The following FIP1L1 variants were observed in gnomAD, a reference collection of about 807,000 sequenced individuals.
FIP1L1 encodes the protein factor interacting with PAPOLA and CPSF1, also known as pre-mRNA 3'-end-processing factor FIP1.
Under a neutral mutation model 84.6 loss-of-function variants are expected in FIP1L1, and 21 were observed. The observed-to-expected ratio is 0.25, with a 90% CI of 0.18 to 0.36. The LOEUF (loss-of-function observed/expected upper bound fraction) is 0.36, where lower values mean the gene tolerates loss of function less well. Ranked by LOEUF, FIP1L1 falls within the 10% of genes least tolerant of loss-of-function variation. The pLI, the probability that FIP1L1 is intolerant of heterozygous loss-of-function variation, is 1.00. For synonymous variants in FIP1L1, 263 were observed against 242.3 expected, an observed-to-expected ratio of 1.09 and a Z score of -0.80; for missense variants, 526 against 751.1, an observed-to-expected ratio of 0.70 and a Z score of 3.50.
intron 11 of FIP1L1, among the ~76,000 whole-genome samples, chr4:53,422,185 G>A (rs1474262850): frequency 6.6e-6 from 1 of 152,092 alleles, no homozygotes; most frequent in Admixed American, 6.5e-5. Flanking sequence ...CAATTTGGTG[G>A]TCCCAACCAG....
rs750432865 is a variant in FIP1L1, at chr4:53,390,522, G to A, written c.399G>A (p.Gly133=). The A allele has an allele frequency of 3.7e-6, 6 of 1,601,724 alleles. No homozygotes were observed. In the South Asian group the frequency reaches 6.7e-5, roughly 18 times the overall value. The change falls in exon 7 of 18, where the codon GGG becomes GGA. Residue 133 remains glycine, a splice_region_variant and synonymous_variant. Transcript: ENST00000337488. ...TCATTTTGTAATTTTATAAAACAGG[G>A]ACAAAAGTCAAAGGAGTAGACCTTG... ...KTGGRVYGTT[G]TKVKGVDLDA...
At chr4:53,395,516 A>G (rs1746743401) in intron 9 of FIP1L1, among the ~76,000 whole-genome samples, 2 of 152,194 alleles carry the variant, frequency 1.3e-5, no homozygotes, top group South Asian at 4.1e-4. Context: ...CATGGAGCCT[A>G]TAGTCTAGGC....
intron 10 of FIP1L1, among the ~76,000 whole-genome samples, chr4:53,411,026 A>G (rs1756976126): frequency 6.6e-6 from 1 of 152,164 alleles, no homozygotes; most frequent in South Asian, 2.1e-4. Flanking sequence ...CCATGGGTTT[A>G]AAGTGTGACA....
At chr4:53,415,024 G>A (rs992423182) in intron 11 of FIP1L1, among the ~76,000 whole-genome samples, 9 of 150,132 alleles carry the variant, frequency 6.0e-5, no homozygotes, top group South Asian at 2.1e-4. Flanking sequence ...ATACCACATC[G>A]CATTTAAAAA....
chr4:53,411,152 G>A (rs10012328), intron 10 of FIP1L1, among the ~76,000 whole-genome samples: 18,635 of 152,130 alleles, frequency 0.12, 1,203 homozygotes, highest in South Asian at 0.16. Context: ...TTATAAAAAA[G>A]GGATGAAGGG....
chr4:53,398,980 G>A (rs944861536), intron 9 of FIP1L1, among the ~76,000 whole-genome samples: 1 of 152,112 alleles, frequency 6.6e-6, no homozygotes, highest in Admixed American at 6.6e-5. Context: ...GTGAAATCCT[G>A]TCTTTACTAA....
chr4:53,457,966 T>G (rs1579279777), intron 16 of FIP1L1, among the ~76,000 whole-genome samples: 1 of 152,132 alleles, frequency 6.6e-6, no homozygotes, highest in East Asian at 1.9e-4. Context: ...AAAATGGAGA[T>G]GCAGCTTCTA....
At position 53,459,526 on chromosome 4, in the gene FIP1L1, T is replaced by TAAGA; in HGVS notation, c.*80_*83dup. The TAAGA allele has an allele frequency of 6.3e-7, 1 of 1,585,634 alleles. No individual in the cohort carries two copies. The highest frequency in any genetic ancestry group is 8.6e-7 in the Non-Finnish European group (1 of 1,158,382). On this transcript the variant is annotated 3_prime_UTR_variant, in exon 18 of 18. Coordinates refer to ENST00000337488, the MANE Select transcript of FIP1L1 (RefSeq NM_030917.4). ...TCTTGTTATTTTTCTGGATAATGTT[T>TAAGA]AAGAAATTTACCTTAAATCTTGTTC... is the stretch of plus-strand genomic sequence containing the variant.
At chr4:53,447,623 A>G (rs1774773018) in intron 15 of FIP1L1, among the ~76,000 whole-genome samples, 2 of 152,164 alleles carry the variant, frequency 1.3e-5, no homozygotes, top group African/African-American at 4.8e-5. Context: ...TCCACAAGGG[A>G]GAAAGTTACA....
chr4:53,445,133 T>C (rs573521080), intron 15 of FIP1L1, among the ~76,000 whole-genome samples: 3 of 152,330 alleles, frequency 2.0e-5, no homozygotes, highest in African/African-American at 7.2e-5. Context: ...TGTGTGCTTA[T>C]GCAGGACGTT....
intron 11 of FIP1L1, among the ~76,000 whole-genome samples, chr4:53,421,987 C>A (rs973621189): frequency 2.6e-5 from 4 of 152,174 alleles, no homozygotes; most frequent in Non-Finnish European, 4.4e-5. Context: ...GATACACAGA[C>A]CACGTTGTTT....
intron 10 of FIP1L1, among the ~76,000 whole-genome samples, chr4:53,406,989 T>G (rs1275289896): frequency 6.6e-6 from 1 of 152,150 alleles, no homozygotes. Flanking sequence ...TTTTGAAGGG[T>G]TTTTTGTGTC....
chr4:53,444,146 T>A, intron 15 of FIP1L1, 43 bp downstream of exon 15: 1 of 1,243,500 alleles, frequency 8.0e-7, no homozygotes, highest in Non-Finnish European at 1.2e-6. Context: ...TTTGAATCAG[T>A]AAAGTACTTG....
chr4:53,423,540 ATT>A (rs370618137), intron 11 of FIP1L1, among the ~76,000 whole-genome samples: 44 of 152,302 alleles, frequency 2.9e-4, no homozygotes, highest in African/African-American at 9.1e-4. Context: ...AGATTTTTAA[ATT>A]ATTTGTCAGT....
chr4:53,408,773 T>C (rs6821224), intron 10 of FIP1L1, among the ~76,000 whole-genome samples: 105,585 of 152,058 alleles, frequency 0.69, 36,726 homozygotes, highest in Middle Eastern at 0.72. Context: ...ACCCTTTCTT[T>C]CAGTTGATCA....
chr4:53,444,616 GAC>G (rs1470971745), intron 15 of FIP1L1, among the ~76,000 whole-genome samples: 1 of 151,870 alleles, frequency 6.6e-6, no homozygotes, highest in African/African-American at 2.4e-5. Context: ...TTTTTTTGGA[GAC>G]AGAGTCTTGT....
intron 11 of FIP1L1, among the ~76,000 whole-genome samples, chr4:53,417,863 A>G (rs1344996553): frequency 7.5e-6 from 1 of 134,140 alleles, no homozygotes; most frequent in African/African-American, 2.7e-5. Flanking sequence ...TCTCACTCTC[A>G]CTCTCTGTTA....
intron 9 of FIP1L1, 48 bp from the exon 10 acceptor site, chr4:53,399,682 T>A (rs775341686): frequency 8.3e-7 from 1 of 1,197,866 alleles, no homozygotes; most frequent in Admixed American, 1.9e-5. Flanking sequence ...TCCATTATGT[T>A]TGAGTGTTCT....
intron 13 of FIP1L1, among the ~76,000 whole-genome samples, chr4:53,432,171 A>G (rs6858320): frequency 0.66 from 100,656 of 151,734 alleles, 33,522 homozygotes; most frequent in Middle Eastern, 0.72. Flanking sequence ...TGAGGCAGGA[A>G]GATCACCTGA....
Sources: allele counts gnomAD v4.1 joint callset (sites outside exome capture counted in the v4.1 genomes callset), GRCh38; gene constraint gnomAD v4.1.1; transcripts MANE v1.5; gene names NCBI Gene and HGNC (gene_info 2026-07-23, HGNC 2026-07-21).